Variants in MCPH1 observed in about 807,000 individuals in gnomAD.
MCPH1 encodes the protein microcephalin.
A neutral mutation model predicts 84.5 loss-of-function variants in MCPH1; 104 were observed. The observed-to-expected ratio is 1.23, with a 90% CI of 1.05 to 1.45. MCPH1 has a LOEUF of 1.45. Ranked by LOEUF, MCPH1 falls within the 40% of genes most tolerant of loss-of-function variation. The pLI, the probability that MCPH1 is intolerant of heterozygous loss-of-function variation, is 0.00. For synonymous variants in MCPH1, 514 were observed against 366.8 expected (o/e 1.40, Z -4.58); for missense variants, 1,498 against 1,005.7 (o/e 1.49, Z -6.62).
At chr8:6,559,873 C>A (rs1439318417) in intron 12 of MCPH1, among the ~76,000 whole-genome samples, 1 of 152,154 alleles carries the variant, frequency 6.6e-6, no homozygotes, top group Non-Finnish European at 1.5e-5. Context: ...TTTATCTGAT[C>A]CTTGTTTAAC....
At chr8:6,539,000 C>T (rs895349019) in intron 12 of MCPH1, among the ~76,000 whole-genome samples, 1 of 150,490 alleles carries the variant, frequency 6.6e-6, no homozygotes, top group Non-Finnish European at 1.5e-5. Flanking sequence ...CAAAACTGGG[C>T]TCTCCTCCCC....
At chr8:6,610,991 T>G (rs760710453) in intron 12 of MCPH1, among the ~76,000 whole-genome samples, 43 of 152,168 alleles carry the variant, frequency 2.8e-4, no homozygotes, top group Non-Finnish European at 4.0e-4. Context: ...CTCAGATGTC[T>G]CCCAGACCCC....
At chr8:6,574,044 C>T (rs189068650) in intron 12 of MCPH1, among the ~76,000 whole-genome samples, 5 of 152,266 alleles carry the variant, frequency 3.3e-5, no homozygotes, top group African/African-American at 1.2e-4. Context: ...AACTCACAGA[C>T]AAAAATAAAC....
At chr8:6,448,519 T>C (rs1035399460) in intron 8 of MCPH1, among the ~76,000 whole-genome samples, 16 of 152,196 alleles carry the variant, frequency 1.1e-4, no homozygotes, top group Admixed American at 9.8e-4. Context: ...AAATCTGATT[T>C]AGGTTTTAAA....
intron 3 of MCPH1, among the ~76,000 whole-genome samples, chr8:6,430,651 T>G (rs1053697836): frequency 1.3e-5 from 2 of 152,186 alleles, no homozygotes; most frequent in African/African-American, 4.8e-5. Context: ...TGTTCGTGTG[T>G]TAGATGTTGA....
intron 11 of MCPH1, among the ~76,000 whole-genome samples, chr8:6,483,322 G>A (rs1809460211): frequency 6.6e-6 from 1 of 152,140 alleles, no homozygotes; most frequent in Non-Finnish European, 1.5e-5. Context: ...CAGACAAACT[G>A]GTTCTAAAAT....
intron 12 of MCPH1, among the ~76,000 whole-genome samples, chr8:6,576,956 C>G (rs908638975): frequency 2.0e-5 from 3 of 152,024 alleles, no homozygotes; most frequent in Non-Finnish European, 4.4e-5. Context: ...ATCTGAGAGA[C>G]GCAGGGCCCT....
intron 12 of MCPH1, among the ~76,000 whole-genome samples, chr8:6,505,898 CAT>C (rs1427615666): frequency 4.6e-5 from 5 of 107,694 alleles, no homozygotes; most frequent in South Asian, 3.1e-4. Context: ...TATATAAAAA[CAT>C]ACATATTCTT....
At chr8:6,419,742 A>G (rs1224734546) in intron 3 of MCPH1, among the ~76,000 whole-genome samples, 1 of 151,584 alleles carries the variant, frequency 6.6e-6, no homozygotes, top group Non-Finnish European at 1.5e-5. Flanking sequence ...CAAGTGATCC[A>G]CTCACTCCAG....
intron 12 of MCPH1, among the ~76,000 whole-genome samples, chr8:6,578,143 C>G (rs570922346): frequency 6.6e-6 from 1 of 152,318 alleles, no homozygotes; most frequent in East Asian, 1.9e-4. Flanking sequence ...TCGACTGTCC[C>G]GATGGGCATT....
chr8:6,474,140 A>G, intron 9 of MCPH1: 2 of 758,956 alleles, frequency 2.6e-6, no homozygotes, highest in South Asian at 1.4e-5. Flanking sequence ...ATCAACAATA[A>G]CTCCACATTC....
At chr8:6,536,823 G>A (rs970659848) in intron 12 of MCPH1, among the ~76,000 whole-genome samples, 20 of 152,096 alleles carry the variant, frequency 1.3e-4, no homozygotes, top group Non-Finnish European at 2.2e-4. Context: ...TGACCTTGAT[G>A]AATTAGTTAT....
chr8:6,455,490 T>C (rs1805575229), intron 9 of MCPH1, among the ~76,000 whole-genome samples: 1 of 152,254 alleles, frequency 6.6e-6, no homozygotes, highest in South Asian at 2.1e-4. Flanking sequence ...GCATTTCTTA[T>C]AAAAATGCCT....
intron 12 of MCPH1, among the ~76,000 whole-genome samples, chr8:6,528,792 G>C (rs528479806): frequency 3.0e-4 from 45 of 152,228 alleles, no homozygotes; most frequent in Non-Finnish European, 3.1e-4. Flanking sequence ...TTGTTTGCTG[G>C]TGTCTTTATG....
intron 3 of MCPH1, among the ~76,000 whole-genome samples, chr8:6,426,889 G>A (rs1327919224): frequency 2.0e-5 from 3 of 152,056 alleles, no homozygotes; most frequent in Non-Finnish European, 2.9e-5. Context: ...TCCAATTAAA[G>A]TATACAATTC....
intron 12 of MCPH1, chr8:6,527,469 A>C: frequency 6.6e-7 from 1 of 1,505,760 alleles, no homozygotes; most frequent in African/African-American, 1.4e-5. Flanking sequence ...GAAACTCACC[A>C]TTCTGATAAT....
chr8:6,590,657 G>A lies in MCPH1; in HGVS notation c.2215-30797G>A, dbSNP rs74484828. ...GCAATAGCTTAAGAAAAACATAAAG[G>A]AAAAAATAATAATAAGTTTTTGGAA... On this transcript the variant is annotated intron_variant, in intron 12 of 13. Transcript: ENST00000344683. Among the ~76,000 whole-genome samples, 4,621 of 152,258 alleles carry A rather than the reference G, an allele frequency of 0.03. 415 individuals carry two copies. The East Asian group carries it at 0.35, about 12-fold the overall frequency.
chr8:6,575,896 C>T (rs1362827093), intron 12 of MCPH1, among the ~76,000 whole-genome samples: 1 of 152,138 alleles, frequency 6.6e-6, no homozygotes, highest in Admixed American at 6.5e-5. Context: ...TGGGACAGAT[C>T]CTGCCTCGTG....
chr8:6,550,979 C>T (rs1055566477), intron 12 of MCPH1, among the ~76,000 whole-genome samples: 2 of 152,222 alleles, frequency 1.3e-5, no homozygotes, highest in African/African-American at 4.8e-5. Flanking sequence ...TCCTAATAAA[C>T]AGTGTCCTTT....
Sources: gnomAD v4.1 joint callset for allele counts (sites outside exome capture counted in the v4.1 genomes callset) on GRCh38, gnomAD v4.1.1 for gene constraint, MANE v1.5 for transcripts, NCBI Gene and HGNC (gene_info 2026-07-23, HGNC 2026-07-21) for gene names.